Variants in FHAD1 observed in about 807,000 individuals in gnomAD.
FHAD1 encodes forkhead-associated domain-containing protein 1.
Under a neutral mutation model 191.3 loss-of-function variants are expected in FHAD1, and 146 were observed. The ratio of observed to expected loss-of-function variants is 0.76; its 90% CI spans 0.67 to 0.88. FHAD1 has a LOEUF of 0.88. FHAD1 is among the 40% of genes least tolerant of loss of function. The probability of loss-of-function intolerance (pLI) is 0.00; values close to 1 mark genes in which losing one functional copy is unlikely to be tolerated. For synonymous variants in FHAD1, 616 were observed against 672.3 expected (o/e 0.92, Z 1.29); for missense variants, 1,635 against 1,785.8 (o/e 0.92, Z 1.52).
chr1:15,313,968 G>A (rs1489620733), intron 8 of FHAD1, among the ~76,000 whole-genome samples: 2 of 151,994 alleles, frequency 1.3e-5, no homozygotes, highest in Non-Finnish European at 2.9e-5. Flanking sequence ...GCTGAGGCAG[G>A]AGAATAGCTT....
At chr1:15,248,375 A>G (rs1646355320) in intron 1 of FHAD1, among the ~76,000 whole-genome samples, 1 of 150,352 alleles carries the variant, frequency 6.7e-6, no homozygotes, top group East Asian at 1.9e-4. Context: ...GTTATTACTC[A>G]CAGCACAGCA....
chr1:15,351,672 G>A (rs1489421465), intron 19 of FHAD1, among the ~76,000 whole-genome samples: 2 of 152,182 alleles, frequency 1.3e-5, no homozygotes, highest in East Asian at 3.9e-4. Context: ...TGCATAATAA[G>A]AGAAGGGAAA....
At chr1:15,354,446 C>T (rs559876089) in intron 20 of FHAD1, among the ~76,000 whole-genome samples, 3 of 152,220 alleles carry the variant, frequency 2.0e-5, no homozygotes, top group East Asian at 3.9e-4. Context: ...GAAGTGATGC[C>T]GGACTTGTCA....
chr1:15,312,415 C>G lies in FHAD1; in HGVS notation c.1040-642C>G, dbSNP rs11577825. Among the ~76,000 whole-genome samples the G allele has an allele frequency of 6.6e-6, 1 of 152,176 alleles. No individual in the cohort carries two copies. The highest frequency in any genetic ancestry group is 2.4e-5 in the African/African-American group (1 of 41,432). On this transcript the variant is annotated intron_variant, in intron 7 of 33. Transcript: ENST00000688493. This position sits in a 1 kb window ranked among gnomAD's most constrained non-coding sequence, Gnocchi z 4.7. ...GTGGCTCACATCTGTAATCCCAGCA[C>G]TTTGGGAGACAGAGGCTGGTGGATT...
At chr1:15,254,966 G>A (rs1187041886) in intron 2 of FHAD1, among the ~76,000 whole-genome samples, 1 of 152,084 alleles carries the variant, frequency 6.6e-6, no homozygotes, top group Non-Finnish European at 1.5e-5. Context: ...GGTGAAAATT[G>A]CCCCTCTTTT....
At chr1:15,313,628 A>T (rs1672992101) in intron 8 of FHAD1, among the ~76,000 whole-genome samples, 1 of 152,078 alleles carries the variant, frequency 6.6e-6, no homozygotes, top group Non-Finnish European at 1.5e-5. Context: ...CATCCCAGTA[A>T]CCACTGGTTT....
chr1:15,252,233 C>T (rs1484088502), intron 2 of FHAD1, among the ~76,000 whole-genome samples: 1 of 152,184 alleles, frequency 6.6e-6, no homozygotes, highest in East Asian at 1.9e-4. Context: ...TAGAAGGAAA[C>T]AGCCTTATCG....
At chr1:15,262,981 T>G (rs913086292) in intron 2 of FHAD1, among the ~76,000 whole-genome samples, 2 of 152,262 alleles carry the variant, frequency 1.3e-5, no homozygotes, top group Non-Finnish European at 2.9e-5. Context: ...TTCTGTGTTT[T>G]TATAGTAGCC....
chr1:15,335,123 G>C (rs897837060), intron 14 of FHAD1: 2 of 152,376 alleles, frequency 1.3e-5, no homozygotes, highest in Non-Finnish European at 2.9e-5. Context: ...GACTTGTGGT[G>C]TTGTTGGGAG....
At chr1:15,361,965 T>C (rs1694952709) in intron 22 of FHAD1, among the ~76,000 whole-genome samples, 1 of 150,524 alleles carries the variant, frequency 6.6e-6, no homozygotes, top group Non-Finnish European at 1.5e-5. Flanking sequence ...GATCGCGCCA[T>C]TGCACTCCAG....
intron 6 of FHAD1, among the ~76,000 whole-genome samples, chr1:15,302,680 C>T (rs1669199701): frequency 7.2e-6 from 1 of 138,140 alleles, no homozygotes; most frequent in Non-Finnish European, 1.5e-5. Flanking sequence ...GATAGCACCA[C>T]TGCACTCAGC....
chr1:15,314,625 G>GTGTGGATATGGGT (rs1491452454), intron 8 of FHAD1: 6 of 66,540 alleles, frequency 9.0e-5, no homozygotes, highest in Admixed American at 1.8e-4. Context: ...GTGTGGGTGT[G>GTGTGGATATGGGT]AGGATGTATG....
chr1:15,300,099 C>G (rs1180789536), intron 5 of FHAD1, among the ~76,000 whole-genome samples: 2 of 152,082 alleles, frequency 1.3e-5, no homozygotes, highest in Non-Finnish European at 2.9e-5. Context: ...CTGTAGCTGC[C>G]TATGAATCAC....
At position 15,339,558 on chromosome 1, in the gene FHAD1, CT is replaced by C; in HGVS notation, c.1977+11del. 1 of 1,256,620 alleles carries C rather than the reference CT, an allele frequency of 8.0e-7. No homozygotes were observed. Among genetic ancestry groups the C allele is most frequent in the Non-Finnish European group, 1.0e-6 (1 of 955,362 alleles). The allele number at this position is 1,256,620 out of a possible 1,614,324, so 77.8% of individuals were successfully genotyped here. ...CCAGGCCCAGGAACTTCAGGTAATTCTTTTAATTTCTTTTTTTCCAAAGTTC... is the reference window on the plus strand; with the variant it reads ...CCAGGCCCAGGAACTTCAGGTAATTCTTTAATTTCTTTTTTTCCAAAGTTC... On this transcript the variant is annotated splice_region_variant and intron_variant, in intron 15 of 33. Coordinates refer to ENST00000688493, the MANE Select transcript of FHAD1 (RefSeq NM_001391957.1).
At position 15,329,334 on chromosome 1, in the gene FHAD1, A is replaced by G; in HGVS notation, c.1711-12A>G. ...CAGGGCCTGGGCTCCTCATGATCTC[A>G]CCTCTTTGCAGGCTTGCATGAAAAT... On this transcript the variant is annotated splice_polypyrimidine_tract_variant and intron_variant, in intron 13 of 33. Coordinates refer to ENST00000688493, the MANE Select transcript of FHAD1 (RefSeq NM_001391957.1). The surrounding 1 kb of genome is among the most constrained non-coding windows in gnomAD (Gnocchi z 5.0). 2 of 1,533,980 alleles carry G rather than the reference A, an allele frequency of 1.3e-6. No individual in the cohort carries two copies. Among genetic ancestry groups the G allele is most frequent in the Non-Finnish European group, 1.8e-6 (2 of 1,133,716 alleles).
intron 26 of FHAD1, among the ~76,000 whole-genome samples, chr1:15,371,748 C>T (rs906528590): frequency 2.0e-5 from 3 of 152,068 alleles, no homozygotes; most frequent in East Asian, 1.9e-4. Context: ...GTAGAGCCAG[C>T]GCTGGAAGGG....
intron 1 of FHAD1, among the ~76,000 whole-genome samples, chr1:15,237,660 C>A: frequency 6.6e-6 from 1 of 152,154 alleles, no homozygotes; most frequent in East Asian, 1.9e-4. Flanking sequence ...AAGGGACAAT[C>A]TTTGAGACTT....
At chr1:15,320,459 C>T (rs1675885357) in intron 10 of FHAD1, among the ~76,000 whole-genome samples, 1 of 152,000 alleles carries the variant, frequency 6.6e-6, no homozygotes, top group Non-Finnish European at 1.5e-5. Context: ...TTTGAAGATC[C>T]TAACATGATT....
At chr1:15,359,498 T>A (rs1366210939) in intron 21 of FHAD1, among the ~76,000 whole-genome samples, 1 of 151,992 alleles carries the variant, frequency 6.6e-6, no homozygotes, top group African/African-American at 2.4e-5. Flanking sequence ...GTTGTAGGCA[T>A]GGGAAAGCAG....
Sources: allele counts gnomAD v4.1 joint callset (sites outside exome capture counted in the v4.1 genomes callset), GRCh38; gene constraint gnomAD v4.1.1; non-coding constraint Gnocchi (gnomAD v3.1); transcripts MANE v1.5; gene names NCBI Gene and HGNC (gene_info 2026-07-23, HGNC 2026-07-21).